The following BTBD9 variants were observed in gnomAD, a reference collection of about 807,000 sequenced individuals.
The protein encoded by BTBD9 is BTB domain containing 9.
BTBD9 carries 49 observed loss-of-function variants against 64.3 expected under a neutral mutation model. The ratio of observed to expected loss-of-function variants is 0.76; its 90% CI spans 0.61 to 0.97. BTBD9 has a LOEUF of 0.97. Ranked by LOEUF, BTBD9 falls within the 50% of genes least tolerant of loss-of-function variation. The probability of loss-of-function intolerance (pLI) is 0.00; values close to 1 mark genes in which losing one functional copy is unlikely to be tolerated. For synonymous variants in BTBD9, 260 were observed against 274.7 expected (o/e 0.95, Z 0.53); for missense variants, 598 against 762.1 (o/e 0.78, Z 2.53).
chr6:38,425,508 G>A (rs1165429998), intron 6 of BTBD9, among the ~76,000 whole-genome samples: 4 of 151,874 alleles, frequency 2.6e-5, no homozygotes, highest in African/African-American at 4.9e-5. Flanking sequence ...GAGGAATTAT[G>A]TGGGATTCAT....
At chr6:38,361,238 G>C (rs896068683) in intron 6 of BTBD9, among the ~76,000 whole-genome samples, 7 of 152,154 alleles carry the variant, frequency 4.6e-5, no homozygotes, top group Admixed American at 3.9e-4. Context: ...CCCATAGTCA[G>C]ACATAAATAA....
chr6:38,193,634 CATGG>C (rs1762175239), intron 9 of BTBD9, among the ~76,000 whole-genome samples: 1 of 152,186 alleles, frequency 6.6e-6, no homozygotes, highest in African/African-American at 2.4e-5. Context: ...TGGAGGAGTG[CATGG>C]CACCCACGAC....
At position 38,309,036 on chromosome 6, in the gene BTBD9, T is replaced by C. The variant is rs193263123; in HGVS notation, c.1265-20575A>G. 3.0e-4 allele frequency among the ~76,000 whole-genome samples: 46 copies of C among 151,946 alleles called. No individual in the cohort carries two copies. The East Asian group carries it at 6.4e-3, about 21-fold the overall frequency. On this transcript the variant is annotated intron_variant, in intron 7 of 10. Coordinates refer to ENST00000481247, the MANE Select transcript of BTBD9 (RefSeq NM_001099272.2). ...GCTTGGGGAATATTTCTCATTCACA[T>C]TGAACAGAGAACAAAAGACATGCAA...
At chr6:38,484,849 C>T (rs748998254) in intron 6 of BTBD9, among the ~76,000 whole-genome samples, 4 of 152,190 alleles carry the variant, frequency 2.6e-5, no homozygotes, top group Non-Finnish European at 5.9e-5. Flanking sequence ...ATGTTGATAG[C>T]TGCTGACTGA....
chr6:38,272,535 C>T (rs998350937), intron 8 of BTBD9, among the ~76,000 whole-genome samples: 3 of 152,142 alleles, frequency 2.0e-5, no homozygotes, highest in African/African-American at 7.2e-5. Context: ...AAATGGATGA[C>T]TCTGTTAAAC....
chr6:38,437,854 G>C (rs1768810025), intron 6 of BTBD9, among the ~76,000 whole-genome samples: 1 of 151,924 alleles, frequency 6.6e-6, no homozygotes, highest in Non-Finnish European at 1.5e-5. Flanking sequence ...CTTTTTTCTG[G>C]GTGGGGAATG....
intron 4 of BTBD9, among the ~76,000 whole-genome samples, chr6:38,588,962 T>C (rs776061404): frequency 6.6e-6 from 1 of 152,236 alleles, no homozygotes; most frequent in Non-Finnish European, 1.5e-5. Flanking sequence ...AAAAAACCTA[T>C]CTTTTCAGGG....
intron 7 of BTBD9, among the ~76,000 whole-genome samples, chr6:38,304,060 CCAAA>C (rs1008903948): frequency 1.8e-4 from 27 of 150,290 alleles, no homozygotes; most frequent in African/African-American, 6.3e-4. Context: ...ACAAAACGAG[CCAAA>C]CAGAGACACA....
At chr6:38,488,007 G>C (rs1170730935) in intron 6 of BTBD9, among the ~76,000 whole-genome samples, 2 of 152,148 alleles carry the variant, frequency 1.3e-5, no homozygotes, top group East Asian at 3.9e-4. Context: ...AAAGTCCCTA[G>C]TTAGAAAAAG....
chr6:38,250,127 G>A (rs936371872), intron 9 of BTBD9, among the ~76,000 whole-genome samples: 1 of 152,118 alleles, frequency 6.6e-6, no homozygotes, highest in Admixed American at 6.5e-5. Flanking sequence ...AGTAACAGGG[G>A]CCCAAGGTCA....
chr6:38,487,515 G>A lies in BTBD9; in HGVS notation c.1154+90085C>T, dbSNP rs79958132. Among the ~76,000 whole-genome samples, 66 of 152,090 alleles carry A rather than the reference G, an allele frequency of 4.3e-4. No homozygotes were observed. The East Asian group carries it at 0.011, about 26-fold the overall frequency. ...AGGATCACCTGAGTCCAGGGAGGTC[G>A]AGGCTGCAGTGAGCTGAGATCACGC... is the stretch of plus-strand genomic sequence containing the variant. On this transcript the variant is annotated intron_variant, in intron 6 of 10. Transcript: ENST00000481247.
intron 9 of BTBD9, among the ~76,000 whole-genome samples, chr6:38,230,445 A>T (rs562365872): frequency 1.4e-5 from 2 of 142,834 alleles, no homozygotes; most frequent in Non-Finnish European, 3.0e-5. Flanking sequence ...TGGTGAGCCG[A>T]GATCGTGACA....
intron 6 of BTBD9, among the ~76,000 whole-genome samples, chr6:38,568,664 T>C (rs1775626818): frequency 6.6e-6 from 1 of 152,200 alleles, no homozygotes; most frequent in African/African-American, 2.4e-5. Flanking sequence ...GGAAAACTGA[T>C]AGACTAACAT....
At chr6:38,539,169 C>A (rs1758362881) in intron 6 of BTBD9, among the ~76,000 whole-genome samples, 1 of 152,116 alleles carries the variant, frequency 6.6e-6, no homozygotes, top group Non-Finnish European at 1.5e-5. Flanking sequence ...TGGCCTCAAG[C>A]AATCCTCCCA....
At chr6:38,636,898 A>G (rs546147887) in intron 1 of BTBD9, among the ~76,000 whole-genome samples, 1 of 152,322 alleles carries the variant, frequency 6.6e-6, no homozygotes, top group African/African-American at 2.4e-5. Flanking sequence ...TCATTATCTC[A>G]GGAATGGGTT....
intron 8 of BTBD9, among the ~76,000 whole-genome samples, chr6:38,279,348 G>A (rs1309266603): frequency 1.3e-5 from 2 of 152,000 alleles, no homozygotes; most frequent in Non-Finnish European, 2.9e-5. Context: ...TGACAAAGTT[G>A]GGCTCCTGGG....
chr6:38,492,309 C>G lies in BTBD9; in HGVS notation c.1154+85291G>C, dbSNP rs372438956. On this transcript the variant is annotated intron_variant, in intron 6 of 10. Transcript: ENST00000481247. ...CAGGAGCAGGTAACTGAAGCTCAGCCCTAGCTTTAGCCCATGCTATTTCTA... is the reference window on the plus strand; with the variant it reads ...CAGGAGCAGGTAACTGAAGCTCAGCGCTAGCTTTAGCCCATGCTATTTCTA... Among the ~76,000 whole-genome samples the G allele has an allele frequency of 3.9e-5, 6 of 152,154 alleles. No homozygotes were observed. In the South Asian group the frequency reaches 8.3e-4, roughly 21 times the overall value.
intron 1 of BTBD9, among the ~76,000 whole-genome samples, chr6:38,633,621 T>A (rs771244606): frequency 8.5e-5 from 13 of 152,210 alleles, no homozygotes; most frequent in Non-Finnish European, 1.9e-4. Context: ...TGACATGTTA[T>A]AATTTCTGAA....
Position 38,468,362 on chromosome 6 carries a change from T to C in BTBD9, c.1154+109238A>G, listed in dbSNP as rs961510058. 7.8e-4 allele frequency among the ~76,000 whole-genome samples: 118 copies of C among 152,224 alleles called. 2 individuals carry two copies. The highest frequency in any genetic ancestry group is 7.3e-5 in the Non-Finnish European group (5 of 68,036). On this transcript the variant is annotated intron_variant, in intron 6 of 10. Transcript: ENST00000481247. The stretch of plus-strand genomic sequence containing the variant: ...CTACATACCTCGCACACACCTTATA[T>C]TGCAGCCAAACTGAAGCACTTGTCA...
Sources: allele counts gnomAD v4.1 joint callset (sites outside exome capture counted in the v4.1 genomes callset), GRCh38; gene constraint gnomAD v4.1.1; transcripts MANE v1.5; gene names NCBI Gene and HGNC (gene_info 2026-07-23, HGNC 2026-07-21).